TAFA5: variants seen among roughly 807,000 people sequenced by gnomAD.
The protein encoded by TAFA5 is TAFA chemokine like family member 5, also known as chemokine-like protein TAFA-5.
A neutral mutation model predicts 15.3 loss-of-function variants in TAFA5; 6 were observed. The ratio of observed to expected loss-of-function variants is 0.39; its 90% CI spans 0.21 to 0.77. TAFA5 has a LOEUF of 0.77. TAFA5 is among the 30% of genes least tolerant of loss of function. The pLI is 0.41. For synonymous variants in TAFA5, 103 were observed against 80.7 expected (o/e 1.28, Z -1.48); for missense variants, 161 against 193.1 (o/e 0.83, Z 0.98).
chr22:48,703,831 C>A (rs969949107), intron 2 of TAFA5, among the ~76,000 whole-genome samples: 2 of 152,248 alleles, frequency 1.3e-5, no homozygotes, highest in African/African-American at 4.8e-5. Flanking sequence ...GTTTTCTGGT[C>A]TGTGCCAACC....
At position 48,554,964 on chromosome 22, in the gene TAFA5, G is replaced by C. The variant is rs552869525; in HGVS notation, c.112+65260G>C. The stretch of plus-strand genomic sequence containing the variant: ...TGTGTCCTCGGGAGTCCCTGGGCGG[G>C]GGCCCAGGGTGGCAATGTAGCCCCT... On this transcript the variant is annotated intron_variant, in intron 1 of 3. Transcript: ENST00000402357. 9.4e-3 allele frequency among the ~76,000 whole-genome samples: 1,428 copies of C among 152,288 alleles called. 35 individuals carry two copies. The highest frequency in any genetic ancestry group is 0.033 in the African/African-American group (1,379 of 41,562).
At chr22:48,723,407 C>G (rs1267203701) in intron 3 of TAFA5, among the ~76,000 whole-genome samples, 1 of 152,184 alleles carries the variant, frequency 6.6e-6, no homozygotes, top group Non-Finnish European at 1.5e-5. Context: ...CACCTCTACC[C>G]CGTCGTGTTC....
chr22:48,706,391 C>T (rs1929079178), intron 2 of TAFA5, among the ~76,000 whole-genome samples: 1 of 152,228 alleles, frequency 6.6e-6, no homozygotes, highest in African/African-American at 2.4e-5. Context: ...AAAAGGCCCA[C>T]CCTGGCCCTC....
At chr22:48,525,912 G>C (rs1200388729) in intron 1 of TAFA5, among the ~76,000 whole-genome samples, 1 of 152,192 alleles carries the variant, frequency 6.6e-6, no homozygotes, top group Non-Finnish European at 1.5e-5. Context: ...TGTGGACGAG[G>C]TGTCCTGAAG....
intron 1 of TAFA5, among the ~76,000 whole-genome samples, chr22:48,533,258 G>C (rs1329600222): frequency 6.6e-6 from 1 of 152,178 alleles, no homozygotes; most frequent in Non-Finnish European, 1.5e-5. Flanking sequence ...CGATGCCCTG[G>C]TCTCCCGTTA....
chr22:48,619,317 G>A (rs1925722339), intron 1 of TAFA5, among the ~76,000 whole-genome samples: 1 of 151,704 alleles, frequency 6.6e-6, no homozygotes, highest in Admixed American at 6.6e-5. Flanking sequence ...ACTGGGAGAG[G>A]GTGTGGGTGA....
At chr22:48,738,688 A>AT (rs1225824970) in intron 3 of TAFA5, among the ~76,000 whole-genome samples, 1 of 152,238 alleles carries the variant, frequency 6.6e-6, no homozygotes, top group African/African-American at 2.4e-5. Flanking sequence ...TTTAAGAGGT[A>AT]TAAAAAGCCA....
At chr22:48,611,570 GTC>G (rs1925412322) in intron 1 of TAFA5, among the ~76,000 whole-genome samples, 1 of 151,964 alleles carries the variant, frequency 6.6e-6, no homozygotes, top group African/African-American at 2.4e-5. Flanking sequence ...GCTCGTGAGA[GTC>G]TGTGTTTACC....
chr22:48,617,145 G>T (rs1182909165), intron 1 of TAFA5, among the ~76,000 whole-genome samples: 2 of 152,182 alleles, frequency 1.3e-5, no homozygotes, highest in East Asian at 3.9e-4. Context: ...AGGCAAGAGG[G>T]TCTTGCAGAT....
chr22:48,643,614 A>C (rs947223313), intron 1 of TAFA5, among the ~76,000 whole-genome samples: 1 of 152,182 alleles, frequency 6.6e-6, no homozygotes, highest in African/African-American at 2.4e-5. Flanking sequence ...GTAGCACCTG[A>C]GGGGTGTGCT....
intron 1 of TAFA5, among the ~76,000 whole-genome samples, chr22:48,555,254 G>GGCTCAGC (rs1197131227): frequency 6.6e-6 from 1 of 152,188 alleles, no homozygotes; most frequent in Non-Finnish European, 1.5e-5. Flanking sequence ...GCTGGCGGTG[G>GGCTCAGC]GCTCAGCGCT....
At chr22:48,540,034 C>A (rs1922308401) in intron 1 of TAFA5, among the ~76,000 whole-genome samples, 1 of 152,078 alleles carries the variant, frequency 6.6e-6, no homozygotes, top group Non-Finnish European at 1.5e-5. Context: ...AACTGGGGGC[C>A]TGGGAAGGGT....
chr22:48,604,235 T>G (rs976020813), intron 1 of TAFA5, among the ~76,000 whole-genome samples: 1 of 152,006 alleles, frequency 6.6e-6, no homozygotes, highest in African/African-American at 2.4e-5. Context: ...AGTGTTTACA[T>G]CTCAGGCACT....
intron 1 of TAFA5, among the ~76,000 whole-genome samples, chr22:48,605,526 T>A (rs1486475382): frequency 6.6e-6 from 1 of 151,928 alleles, no homozygotes; most frequent in East Asian, 1.9e-4. Context: ...GTGGTGGTGA[T>A]AGGGCCTACT....
chr22:48,575,150 G>A (rs1362428918), intron 1 of TAFA5, among the ~76,000 whole-genome samples: 1 of 152,164 alleles, frequency 6.6e-6, no homozygotes, highest in African/African-American at 2.4e-5. Context: ...CTCTCCTGGG[G>A]CCTTGGGTGC....
At chr22:48,724,674 T>C (rs1050097779) in intron 3 of TAFA5, among the ~76,000 whole-genome samples, 1 of 152,250 alleles carries the variant, frequency 6.6e-6, no homozygotes, top group Non-Finnish European at 1.5e-5. Flanking sequence ...TGGAAGCCCG[T>C]GCCTTATCCT....
At chr22:48,707,987 C>A in intron 3 of TAFA5, 143 bp downstream of exon 3, 1 of 1,084,590 alleles carries the variant, frequency 9.2e-7, no homozygotes, top group Non-Finnish European at 1.3e-6. Context: ...CTGTCTCCTC[C>A]CCCACCTCCC....
intron 1 of TAFA5, among the ~76,000 whole-genome samples, chr22:48,571,271 C>CTTTTTT (rs869050468): frequency 1.2e-4 from 12 of 97,710 alleles, no homozygotes; most frequent in Non-Finnish European, 1.8e-4. Context: ...TTGTTGTTTG[C>CTTTTTT]TTTTTTTTTT....
chr22:48,642,434 CT>C (rs1926716656), intron 1 of TAFA5, among the ~76,000 whole-genome samples: 1 of 152,216 alleles, frequency 6.6e-6, no homozygotes, highest in African/African-American at 2.4e-5. Context: ...CCCGCCCTCC[CT>C]TCTGAACCCC....
Sources: allele counts gnomAD v4.1 joint callset (sites outside exome capture counted in the v4.1 genomes callset), GRCh38; gene constraint gnomAD v4.1.1; transcripts MANE v1.5; gene names NCBI Gene and HGNC (gene_info 2026-07-23, HGNC 2026-07-21).